The following CALN1 variants were observed in gnomAD, a reference collection of about 807,000 sequenced individuals.
CALN1 encodes the protein calneuron 1, also known as calcium-binding protein 8.
In CALN1, 17 loss-of-function variants were observed where a neutral mutation model predicts 30.6. The ratio of observed to expected loss-of-function variants is 0.56; its 90% CI spans 0.38 to 0.83. CALN1 has a LOEUF of 0.83. Ranked by LOEUF, CALN1 falls within the 40% of genes least tolerant of loss-of-function variation. The pLI is 0.00. For missense variants in CALN1, 291 were observed against 354.9 expected (o/e 0.82, Z 1.45); for synonymous variants, 156 against 131.4 (o/e 1.19, Z -1.28).
the CALN1 span, among the ~76,000 whole-genome samples, chr7:72,504,153 C>T: frequency 6.6e-6 from 1 of 152,144 alleles, no homozygotes; most frequent in African/African-American, 2.4e-5. Context: ...AGAATCCCAC[C>T]GCATAAAGGT....
chr7:72,380,007 G>A (rs1285787684), intron 2 of CALN1, among the ~76,000 whole-genome samples: 1 of 152,228 alleles, frequency 6.6e-6, no homozygotes, highest in Non-Finnish European at 1.5e-5. Context: ...GTCGGTCTAT[G>A]TAATAGATGG....
intron 3 of CALN1, among the ~76,000 whole-genome samples, chr7:72,184,536 A>AGT: frequency 6.6e-6 from 1 of 152,252 alleles, no homozygotes. Flanking sequence ...AGCACTCAGT[A>AGT]GTGGTTGGCT....
the CALN1 span, among the ~76,000 whole-genome samples, chr7:72,477,944 C>T: frequency 1.6e-4 from 25 of 152,318 alleles, no homozygotes; most frequent in African/African-American, 5.5e-4. Flanking sequence ...ATTCGTATCA[C>T]GCTTTTCTGA....
the CALN1 span, among the ~76,000 whole-genome samples, chr7:72,504,115 AC>A: frequency 6.6e-5 from 10 of 152,222 alleles, no homozygotes; most frequent in Non-Finnish European, 1.3e-4. Flanking sequence ...GACTCACATC[AC>A]AGTGACCACA....
At chr7:72,409,005 G>T (rs780551781) in intron 1 of CALN1, among the ~76,000 whole-genome samples, 3 of 151,306 alleles carry the variant, frequency 2.0e-5, no homozygotes, top group East Asian at 3.9e-4. Flanking sequence ...GGGGCAGGGG[G>T]GCAGCGGTGG....
chr7:72,326,730 A>G (rs557933840), intron 2 of CALN1, among the ~76,000 whole-genome samples: 1 of 152,342 alleles, frequency 6.6e-6, no homozygotes, highest in South Asian at 2.1e-4. Flanking sequence ...GGTTCGGAGC[A>G]TTTTCCTAAT....
At chr7:72,466,835 GAGAA>G in the CALN1 span, among the ~76,000 whole-genome samples, 1 of 138,272 alleles carries the variant, frequency 7.2e-6, no homozygotes, top group African/African-American at 2.7e-5. Context: ...AAGAAAGAGA[GAGAA>G]AGAAAAGAAA....
At chr7:71,851,846 A>T (rs1049552582) in intron 5 of CALN1, among the ~76,000 whole-genome samples, 1 of 152,146 alleles carries the variant, frequency 6.6e-6, no homozygotes, top group Non-Finnish European at 1.5e-5. Flanking sequence ...ACTGACAAGA[A>T]AGGAAGAAAA....
At chr7:72,463,841 G>A in the CALN1 span, among the ~76,000 whole-genome samples, 72 of 152,112 alleles carry the variant, frequency 4.7e-4, no homozygotes, top group African/African-American at 1.5e-3. Flanking sequence ...GATTACAGGC[G>A]TGAGCCACTT....
chr7:72,268,877 A>G (rs1200985589), intron 3 of CALN1, among the ~76,000 whole-genome samples: 1 of 152,158 alleles, frequency 6.6e-6, no homozygotes, highest in African/African-American at 2.4e-5. Context: ...TTATGCAAGA[A>G]TAACCCTCCC....
At chr7:72,216,225 G>C (rs1297656665) in intron 3 of CALN1, among the ~76,000 whole-genome samples, 1 of 151,748 alleles carries the variant, frequency 6.6e-6, no homozygotes, top group Non-Finnish European at 1.5e-5. Context: ...GACCAGCTTG[G>C]GCAATACAGT....
rs546906426 is a variant in CALN1 at position 72,318,626 on chromosome 7, G to A, written c.120-39816C>T. On this transcript the variant is annotated intron_variant, in intron 2 of 6. Transcript: ENST00000395275. ...TGTGATCATAGCTCACTGCAGCCTCGAACTCCTGGGTTCAAGCAATCCTCC... is the reference window on the plus strand; with the variant it reads ...TGTGATCATAGCTCACTGCAGCCTCAAACTCCTGGGTTCAAGCAATCCTCC... Among the ~76,000 whole-genome samples, 21 of 149,184 alleles carry A rather than the reference G, an allele frequency of 1.4e-4. No individual in the cohort carries two copies. The South Asian group carries it at 2.6e-3, about 19-fold the overall frequency.
At chr7:72,274,251 T>C (rs1489392550) in intron 3 of CALN1, among the ~76,000 whole-genome samples, 2 of 152,226 alleles carry the variant, frequency 1.3e-5, no homozygotes, top group Non-Finnish European at 2.9e-5. Flanking sequence ...CTCACGACTG[T>C]AATTCCAGCA....
chr7:72,343,015 A>C (rs10267518), intron 2 of CALN1, among the ~76,000 whole-genome samples: 30,784 of 152,112 alleles, frequency 0.2, 3,964 homozygotes, highest in East Asian at 0.4. Flanking sequence ...GCTTTGCAGT[A>C]ATCGATAACC....
intron 2 of CALN1, among the ~76,000 whole-genome samples, chr7:72,397,351 A>C (rs1324142893): frequency 6.6e-6 from 1 of 152,174 alleles, no homozygotes; most frequent in Admixed American, 6.5e-5. Flanking sequence ...TGACAAGATC[A>C]AGGTTGAGGC....
chr7:72,227,716 C>T (rs1215337164), intron 3 of CALN1, among the ~76,000 whole-genome samples: 1 of 151,842 alleles, frequency 6.6e-6, no homozygotes, highest in African/African-American at 2.4e-5. Context: ...AACAAATCTG[C>T]ACAAGTACCC....
chr7:72,033,271 T>A (rs1801574423), intron 4 of CALN1, among the ~76,000 whole-genome samples: 1 of 151,698 alleles, frequency 6.6e-6, no homozygotes, highest in Non-Finnish European at 1.5e-5. Context: ...CATAAGGAGG[T>A]AAAATAATCC....
chr7:71,870,112 G>T (rs571480851), intron 5 of CALN1, among the ~76,000 whole-genome samples: 1 of 152,328 alleles, frequency 6.6e-6, no homozygotes, highest in East Asian at 1.9e-4. Flanking sequence ...GGCTGGCGCA[G>T]TGGCTCACGC....
chr7:71,888,443 G>C (rs112570932), intron 5 of CALN1, among the ~76,000 whole-genome samples: 4,596 of 131,312 alleles, frequency 0.035, 248 homozygotes, highest in African/African-American at 0.12. Flanking sequence ...GAGAGAGAGA[G>C]AGAAAGACAT....
Sources: allele counts gnomAD v4.1 joint callset (sites outside exome capture counted in the v4.1 genomes callset), GRCh38; gene constraint gnomAD v4.1.1; transcripts MANE v1.5; gene names NCBI Gene and HGNC (gene_info 2026-07-23, HGNC 2026-07-21).